UPB1: variants seen among roughly 807,000 people sequenced by gnomAD.
The protein encoded by UPB1 is beta-ureidopropionase 1.
A neutral mutation model predicts 49.1 loss-of-function variants in UPB1; 40 were observed. That is an observed-to-expected ratio of 0.81 (90% CI 0.63 to 1.06). The LOEUF (loss-of-function observed/expected upper bound fraction) is 1.06. Ranked by LOEUF, UPB1 falls within the 50% of genes least tolerant of loss-of-function variation. The pLI, the probability that UPB1 is intolerant of heterozygous loss-of-function variation, is 0.00. For missense variants in UPB1, 499 were observed against 505.9 expected (o/e 0.99, Z 0.13); for synonymous variants, 207 against 198.2 (o/e 1.04, Z -0.38).
chr22:24,515,469 GC>G, intron 6 of UPB1, 99 bp downstream of exon 6: 1 of 1,531,200 alleles, frequency 6.5e-7, no homozygotes, highest in East Asian at 2.3e-5. Context: ...GGCAGGCGCA[GC>G]CACCAGGATG....
In UPB1 at chr22:24,523,087, A is replaced by C. The variant is rs2044424167; in HGVS notation, c.917-532A>C. Among the ~76,000 whole-genome samples, 3 of 152,088 alleles carry C rather than the reference A, an allele frequency of 2.0e-5. No homozygotes were observed. In the South Asian group the frequency reaches 6.2e-4, roughly 32 times the overall value. On this transcript the variant is annotated intron_variant, in intron 8 of 9. Coordinates refer to ENST00000326010, the MANE Select transcript of UPB1 (RefSeq NM_016327.3). ...CCTGATCCTAGTTAACTTACTGCAA[A>C]TAGAGATGCAGAAAGGGCAGGGGAA...
chr22:24,505,536 A>G (rs981510955), intron 3 of UPB1, among the ~76,000 whole-genome samples: 8 of 152,116 alleles, frequency 5.3e-5, no homozygotes, highest in African/African-American at 1.7e-4. Flanking sequence ...TGTTTACTCA[A>G]TCCCTCTGTT....
At chr22:24,506,432 G>C (rs1035946522) in intron 3 of UPB1, among the ~76,000 whole-genome samples, 1 of 152,184 alleles carries the variant, frequency 6.6e-6, no homozygotes, top group Admixed American at 6.5e-5. Context: ...GGATAAGCAG[G>C]AGATCTTCTC....
rs756909197 is a variant in UPB1, at chr22:24,515,213, A to C, written c.634A>C (p.Met212Leu). ...VGDFNESTYY[M>L]EGNLGHPVFQ... The stretch of plus-strand genomic sequence containing the variant: ...CTTTGCTTTTCAGTCAACTTACTAC[A>C]TGGAGGGAAACCTGGGCCACCCCGT... The change falls in exon 6 of 10, where the codon ATG becomes CTG. Residue 212 changes from methionine to leucine, a missense_variant. Transcript: ENST00000326010. The C allele has an allele frequency of 1.2e-5, 20 of 1,614,036 alleles. No individual in the cohort carries two copies. Among genetic ancestry groups the C allele is most frequent in the Non-Finnish European group, 1.7e-5 (20 of 1,180,040 alleles).
chr22:24,507,293 G>A (rs921796681), intron 3 of UPB1, among the ~76,000 whole-genome samples: 10 of 152,092 alleles, frequency 6.6e-5, no homozygotes, highest in African/African-American at 1.2e-4. Flanking sequence ...CACAGAAGGC[G>A]AGCCTGGGGA....
intron 2 of UPB1, among the ~76,000 whole-genome samples, chr22:24,500,574 C>T (rs554314436): frequency 7.2e-5 from 11 of 152,358 alleles, no homozygotes; most frequent in South Asian, 2.1e-4. Flanking sequence ...TTGGCCTGCT[C>T]GTGCTCTCCA....
At chr22:24,523,895 CTGTG>C (rs1419593708) in intron 9 of UPB1, 122 bp downstream of exon 9, 2 of 1,436,356 alleles carry the variant, frequency 1.4e-6, no homozygotes. Context: ...CCTGAGGGCT[CTGTG>C]TGAGCTGAGG....
chr22:24,515,356 G>T lies in UPB1; in HGVS notation c.777G>T (p.Thr259=), dbSNP rs371352339. ...GAEIIFNPSA[T]IGALSESLWP... ...AGATCATCTTCAACCCCTCGGCCAC[G>T]ATAGGAGCACTCAGGTCACTCAGTT... The change falls in exon 6 of 10, where the codon ACG becomes ACT. Residue 259 remains threonine (T), a synonymous_variant. Coordinates refer to ENST00000326010, the MANE Select transcript of UPB1 (RefSeq NM_016327.3). 3.7e-6 allele frequency: 6 copies of T among 1,614,006 alleles called. No individual in the cohort carries two copies. The highest frequency in any genetic ancestry group is 2.2e-5 in the East Asian group (1 of 44,866).
In UPB1 at chr22:24,528,005, G is replaced by C. The variant is rs747898104; in HGVS notation, c.*2211G>C. ...ATGGTGGCGCACGCCTGTAGTCCCA[G>C]GTACTCAGCAGGCTGAGGGAGGAGA... On this transcript the variant is annotated 3_prime_UTR_variant, in exon 10 of 10. Transcript: ENST00000326010. 1 of 152,344 alleles carries C rather than the reference G, an allele frequency of 6.6e-6. No individual in the cohort carries two copies. The highest frequency in any genetic ancestry group is 2.4e-5 in the African/African-American group (1 of 41,450). The allele number at this position is 152,344 out of a possible 1,614,324, so 9.4% of individuals were successfully genotyped here.
rs1327780599 is a variant in UPB1, at chr22:24,524,760, G to A, written c.1072-951G>A. Reference sequence around the variant, plus strand: ...GCACCTCGGGCTCCCAAAATACCAGGATTATAGACATAAGCCACTGTGCCC... The same window carrying A: ...GCACCTCGGGCTCCCAAAATACCAGAATTATAGACATAAGCCACTGTGCCC... On this transcript the variant is annotated intron_variant, in intron 9 of 9. Transcript: ENST00000326010. 2.0e-5 allele frequency among the ~76,000 whole-genome samples: 3 copies of A among 152,166 alleles called. No homozygotes were observed. The South Asian group carries it at 6.2e-4, about 31-fold the overall frequency.
At chr22:24,501,866 C>T (rs1297466981) in intron 2 of UPB1, among the ~76,000 whole-genome samples, 2 of 152,144 alleles carry the variant, frequency 1.3e-5, no homozygotes, top group Admixed American at 6.5e-5. Flanking sequence ...CTCAGCAACC[C>T]CACAGGTCAG....
intron 9 of UPB1, among the ~76,000 whole-genome samples, 172 bp downstream of exon 9, chr22:24,523,945 A>G (rs918458781): frequency 6.6e-6 from 1 of 152,324 alleles, no homozygotes; most frequent in South Asian, 2.1e-4. Context: ...TCCCGGGAGG[A>G]ACAGTTGGGT....
intron 3 of UPB1, among the ~76,000 whole-genome samples, chr22:24,510,378 C>T (rs1045450298): frequency 6.6e-6 from 1 of 152,146 alleles, no homozygotes; most frequent in African/African-American, 2.4e-5. Flanking sequence ...AGAGAGTTGA[C>T]TGATATTCCA....
chr22:24,522,706 C>T (rs560494237), intron 8 of UPB1, among the ~76,000 whole-genome samples: 4 of 150,068 alleles, frequency 2.7e-5, no homozygotes, highest in South Asian at 4.2e-4. Context: ...CTGAGGCGGG[C>T]GGATCACCTG....
At chr22:24,506,060 A>T (rs2044085078) in intron 3 of UPB1, among the ~76,000 whole-genome samples, 1 of 127,990 alleles carries the variant, frequency 7.8e-6, no homozygotes, top group Admixed American at 9.2e-5. Flanking sequence ...TTGTTCTGTC[A>T]CCCAGGCTGG....
chr22:24,525,721 G>A lies in UPB1; in HGVS notation c.1082G>A (p.Arg361Lys). Reference protein sequence around the residue: ...NDVWNFKMTGRYEMYARELAE... With the variant: ...NDVWNFKMTGKYEMYARELAE... ...GTGTTTTGCTTTCAGATGACGGGCA[G>A]GTATGAGATGTACGCACGGGAGCTC... is the stretch of plus-strand genomic sequence containing the variant. Residue 361 changes from arginine (R) to lysine (K), a missense_variant, in exon 10 of 10, where the codon AGG becomes AAG. Transcript: ENST00000326010. The A allele has an allele frequency of 1.2e-6, 2 of 1,614,204 alleles. No individual in the cohort carries two copies. The highest frequency in any genetic ancestry group is 1.7e-6 in the Non-Finnish European group (2 of 1,180,032).
intron 3 of UPB1, among the ~76,000 whole-genome samples, chr22:24,508,731 A>G (rs1244860136): frequency 6.6e-6 from 1 of 151,064 alleles, no homozygotes; most frequent in Non-Finnish European, 1.5e-5. Context: ...TACAAAAAAA[A>G]TTAGATGGGC....
At chr22:24,504,780 TGCAGTGGCACAATCACA>T (rs1249627724) in intron 3 of UPB1, among the ~76,000 whole-genome samples, 1 of 145,654 alleles carries the variant, frequency 6.9e-6, no homozygotes, top group African/African-American at 2.5e-5. Flanking sequence ...GAGGCTGTAG[TGCAGTGGCACAATCACA>T]GCTCACTGCA....
intron 1 of UPB1, among the ~76,000 whole-genome samples, chr22:24,498,820 G>A (rs542730646): frequency 5.4e-4 from 83 of 152,344 alleles, no homozygotes; most frequent in African/African-American, 1.9e-3. Context: ...TGAAAGAGCT[G>A]TCTGGCTCCC....
Sources: allele counts gnomAD v4.1 joint callset (sites outside exome capture counted in the v4.1 genomes callset), GRCh38; gene constraint gnomAD v4.1.1; transcripts MANE v1.5; gene names NCBI Gene and HGNC (gene_info 2026-07-23, HGNC 2026-07-21).